ZNF512: variants seen among roughly 807,000 people sequenced by gnomAD.
ZNF512 encodes zinc finger protein 512.
Under a neutral mutation model 77.5 loss-of-function variants are expected in ZNF512, and 25 were observed. That is an observed-to-expected ratio of 0.32 (90% CI 0.23 to 0.45). The LOEUF (loss-of-function observed/expected upper bound fraction) is 0.45, where lower values mean the gene tolerates loss of function less well. ZNF512 is among the 20% of genes least tolerant of loss of function. ZNF512 has a pLI of 1.00. For missense variants in ZNF512, 483 were observed against 692.6 expected (o/e 0.70, Z 3.40); for synonymous variants, 246 against 239.9 (o/e 1.03, Z -0.24).
At chr2:27,602,225 G>A (rs1490795126) in intron 7 of ZNF512, among the ~76,000 whole-genome samples, 1 of 152,228 alleles carries the variant, frequency 6.6e-6, no homozygotes, top group African/African-American at 2.4e-5. Context: ...ATATTTGTGT[G>A]TTTAGGTTAG....
intron 3 of ZNF512, 112 bp from the exon 4 acceptor site, chr2:27,599,471 C>T (rs1477483931): frequency 1.2e-5 from 9 of 767,394 alleles, no homozygotes; most frequent in Non-Finnish European, 1.8e-5. Flanking sequence ...GGCCTGTGTT[C>T]ACTGATGATC....
intron 10 of ZNF512, among the ~76,000 whole-genome samples, chr2:27,612,717 T>C (rs1316543913): frequency 1.3e-5 from 2 of 152,216 alleles, no homozygotes; most frequent in Admixed American, 1.3e-4. Flanking sequence ...ACTTATTCCC[T>C]TGTAAAAAAC....
chr2:27,591,100 G>A (rs924355982), intron 2 of ZNF512, among the ~76,000 whole-genome samples: 5 of 151,988 alleles, frequency 3.3e-5, no homozygotes, highest in Non-Finnish European at 7.4e-5. Flanking sequence ...GCAGTGGTGC[G>A]GTCATAGCTC....
chr2:27,603,586 G>GTGTGTGTGTGTATATATA (rs140043162), intron 9 of ZNF512, among the ~76,000 whole-genome samples: 2 of 72,488 alleles, frequency 2.8e-5, no homozygotes, highest in South Asian at 4.8e-4. Context: ...GTGTGTGTGT[G>GTGTGTGTGTGTATATATA]TATATTTTTT....
intron 10 of ZNF512, among the ~76,000 whole-genome samples, chr2:27,611,818 T>G (rs1572931802): frequency 6.6e-6 from 1 of 151,762 alleles, no homozygotes. Flanking sequence ...CTGCCTCAGC[T>G]TCCTGAGTAG....
At chr2:27,611,831 G>A (rs1672679996) in intron 10 of ZNF512, among the ~76,000 whole-genome samples, 1 of 151,840 alleles carries the variant, frequency 6.6e-6, no homozygotes, top group Non-Finnish European at 1.5e-5. Flanking sequence ...CTGAGTAGCT[G>A]GGACTACAGG....
At chr2:27,600,313 GAAAATTAA>G (rs763209941) in intron 5 of ZNF512, among the ~76,000 whole-genome samples, 2 of 152,120 alleles carry the variant, frequency 1.3e-5, no homozygotes, top group Non-Finnish European at 2.9e-5. Flanking sequence ...GAATTATTTT[GAAAATTAA>G]ATGGATAAAA....
chr2:27,601,594 C>T, intron 7 of ZNF512, 152 bp downstream of exon 7: 1 of 651,588 alleles, frequency 1.5e-6, no homozygotes, highest in South Asian at 1.9e-5. Flanking sequence ...GTGTCTCAGC[C>T]CCTTGAGTGG....
chr2:27,605,458 A>T (rs189066976), intron 9 of ZNF512, among the ~76,000 whole-genome samples: 65 of 151,992 alleles, frequency 4.3e-4, no homozygotes, highest in Non-Finnish European at 8.5e-4. Flanking sequence ...TGACTCAAAA[A>T]CAAAAAATGA....
chr2:27,591,701 G>C (rs185472627), intron 2 of ZNF512, among the ~76,000 whole-genome samples: 7 of 152,288 alleles, frequency 4.6e-5, no homozygotes, highest in African/African-American at 1.7e-4. Flanking sequence ...GAGTCACCGC[G>C]CCCAGCCTTA....
intron 2 of ZNF512, among the ~76,000 whole-genome samples, chr2:27,591,898 T>C (rs1254939388): frequency 6.6e-6 from 1 of 152,244 alleles, no homozygotes; most frequent in Admixed American, 6.5e-5. Flanking sequence ...AAACCCATGG[T>C]CATTTAAATC....
At chr2:27,615,017 T>G (rs1244804168) in intron 10 of ZNF512, 151 bp from the exon 11 acceptor site, 2 of 496,174 alleles carry the variant, frequency 4.0e-6, no homozygotes, top group Non-Finnish European at 7.1e-6. Flanking sequence ...CAGTTTCAGG[T>G]ACTTTATAGG....
intron 2 of ZNF512, 57 bp from the exon 3 acceptor site, chr2:27,598,010 G>A: frequency 1.4e-6 from 2 of 1,385,722 alleles, no homozygotes; most frequent in South Asian, 1.7e-5. Flanking sequence ...GTAAAAGAAT[G>A]TATAGAAATT....
chr2:27,603,619 A>G (rs1282132184), intron 9 of ZNF512, among the ~76,000 whole-genome samples: 1 of 50,920 alleles, frequency 2.0e-5, no homozygotes, highest in Non-Finnish European at 3.3e-5. Flanking sequence ...TTCAAGAGAC[A>G]AGATCTTGCT....
At chr2:27,590,176 G>A (rs567290787) in intron 2 of ZNF512, among the ~76,000 whole-genome samples, 9 of 152,252 alleles carry the variant, frequency 5.9e-5, no homozygotes, top group Middle Eastern at 3.4e-3. Flanking sequence ...CTAAGATTGT[G>A]GAATTGTCTA....
chr2:27,618,491 A>G (rs1672990500), intron 13 of ZNF512, among the ~76,000 whole-genome samples: 1 of 152,242 alleles, frequency 6.6e-6, no homozygotes. Flanking sequence ...TGATAGTTGT[A>G]GTCATGCAGG....
chr2:27,594,342 C>T (rs190514871), intron 2 of ZNF512, among the ~76,000 whole-genome samples: 87 of 148,750 alleles, frequency 5.8e-4, no homozygotes, highest in African/African-American at 2.1e-3. Context: ...AACGGGGTGG[C>T]GGCCGGGCGG....
intron 2 of ZNF512, among the ~76,000 whole-genome samples, chr2:27,590,808 A>T (rs578253447): frequency 6.6e-6 from 1 of 151,188 alleles, no homozygotes; most frequent in Non-Finnish European, 1.5e-5. Flanking sequence ...TGAGCCATCT[A>T]CCCCGGCCTG....
chr2:27,613,428 G>A (rs1240918751), intron 10 of ZNF512, among the ~76,000 whole-genome samples: 3 of 151,808 alleles, frequency 2.0e-5, no homozygotes, highest in South Asian at 2.1e-4. Flanking sequence ...CCTGGAAGGC[G>A]GAGGTTGCAT....
Sources: gnomAD v4.1 joint callset for allele counts (sites outside exome capture counted in the v4.1 genomes callset) on GRCh38, gnomAD v4.1.1 for gene constraint, MANE v1.5 for transcripts, NCBI Gene and HGNC (gene_info 2026-07-23, HGNC 2026-07-21) for gene names.